Variants in LARS2 observed in about 807,000 individuals in gnomAD.
LARS2 encodes the protein leucine--tRNA ligase, mitochondrial.
A neutral mutation model predicts 116.6 loss-of-function variants in LARS2; 81 were observed. That is an observed-to-expected ratio of 0.69 (90% CI 0.58 to 0.84). The LOEUF is 0.84. Ranked by LOEUF, LARS2 falls within the 40% of genes least tolerant of loss-of-function variation. The pLI, the probability that LARS2 is intolerant of heterozygous loss-of-function variation, is 0.00. For missense variants in LARS2, 968 were observed against 1,114.5 expected, an observed-to-expected ratio of 0.87 and a Z score of 1.87; for synonymous variants, 396 against 407.2, an observed-to-expected ratio of 0.97 and a Z score of 0.33.
rs1700806169 is a variant in LARS2 at position 45,542,023 on chromosome 3, G to A, written c.2532+67G>A. 1.9e-6 allele frequency: 3 copies of A among 1,589,738 alleles called. 1 individual carries two copies. Among genetic ancestry groups the A allele is most frequent in the South Asian group, 2.3e-5 (2 of 88,210 alleles). ...CCTGCTGGTGGCCCCTAAATACTGT[G>A]GTGGTTTTGAGAGGTCTATTAGCAG... On this transcript the variant is annotated intron_variant, in intron 21 of 21. Transcript: ENST00000645846.
intron 7 of LARS2, among the ~76,000 whole-genome samples, chr3:45,457,573 G>A (rs1699233464): frequency 6.6e-6 from 1 of 152,160 alleles, no homozygotes; most frequent in South Asian, 2.1e-4. Context: ...AGCTACCCAG[G>A]AGGCTGAGGC....
intron 6 of LARS2, among the ~76,000 whole-genome samples, chr3:45,435,659 T>A (rs1236441406): frequency 1.3e-5 from 2 of 152,056 alleles, no homozygotes; most frequent in African/African-American, 2.4e-5. Flanking sequence ...CTCTTCTTTC[T>A]TTTTCTTTTC....
chr3:45,423,726 C>T (rs1434717079), intron 6 of LARS2, among the ~76,000 whole-genome samples: 3 of 152,002 alleles, frequency 2.0e-5, no homozygotes, highest in Admixed American at 6.6e-5. Flanking sequence ...AAAGGACAAC[C>T]GTTCATTTAA....
intron 21 of LARS2, among the ~76,000 whole-genome samples, chr3:45,542,925 T>G (rs959335328): frequency 1.2e-4 from 19 of 152,186 alleles, no homozygotes; most frequent in Admixed American, 6.5e-5. Flanking sequence ...GGCTGCAAAT[T>G]GTGAAAAGTG....
At chr3:45,469,306 C>T (rs1300291930) in intron 8 of LARS2, among the ~76,000 whole-genome samples, 1 of 152,164 alleles carries the variant, frequency 6.6e-6, no homozygotes, top group East Asian at 1.9e-4. Context: ...CATGTCTTCT[C>T]TAAAGTCAAA....
chr3:45,448,393 T>C (rs1699056343), intron 7 of LARS2, among the ~76,000 whole-genome samples: 1 of 152,164 alleles, frequency 6.6e-6, no homozygotes, highest in African/African-American at 2.4e-5. Flanking sequence ...CTTGGTTTTT[T>C]TCCAGGTGGA....
At chr3:45,480,471 T>G (rs1460268943) in intron 10 of LARS2, among the ~76,000 whole-genome samples, 1 of 152,258 alleles carries the variant, frequency 6.6e-6, no homozygotes, top group Non-Finnish European at 1.5e-5. Flanking sequence ...GACAGATACC[T>G]TTTTGTCTGG....
intron 15 of LARS2, among the ~76,000 whole-genome samples, chr3:45,511,083 A>G (rs1700282249): frequency 6.6e-6 from 1 of 152,210 alleles, no homozygotes; most frequent in Non-Finnish European, 1.5e-5. Context: ...GTTGTAGGCA[A>G]GGGCACTGGG....
chr3:45,495,595 G>A (rs989494230), intron 13 of LARS2: 1 of 152,172 alleles, frequency 6.6e-6, no homozygotes, highest in African/African-American at 2.4e-5. Flanking sequence ...GCATTGATTG[G>A]CTTCATAAGC....
At chr3:45,481,570 T>G (rs1020426409) in intron 10 of LARS2, among the ~76,000 whole-genome samples, 1 of 152,242 alleles carries the variant, frequency 6.6e-6, no homozygotes, top group Non-Finnish European at 1.5e-5. Flanking sequence ...GATACCTCAG[T>G]GTAGTTTTAA....
rs182374223 is a variant in LARS2 at position 45,489,620 on chromosome 3, G to A, written c.1239+808G>A. Among the ~76,000 whole-genome samples, 10 of 152,244 alleles carry A rather than the reference G, an allele frequency of 6.6e-5. No individual in the cohort carries two copies. The East Asian group carries it at 7.7e-4, about 12-fold the overall frequency. On this transcript the variant is annotated intron_variant, in intron 12 of 21. Coordinates refer to ENST00000645846, the MANE Select transcript of LARS2 (RefSeq NM_015340.4). The stretch of plus-strand genomic sequence containing the variant: ...CCTGGACCAGCAGTACTGGCATCAC[G>A]TGTCTTAGATCCCACCCTAGTCTAA...
chr3:45,492,976 G>A (rs1699949638), intron 13 of LARS2, among the ~76,000 whole-genome samples: 1 of 152,186 alleles, frequency 6.6e-6, no homozygotes, highest in Admixed American at 6.5e-5. Context: ...CCCTACCAGA[G>A]ATGTTGGTGG....
intron 20 of LARS2, among the ~76,000 whole-genome samples, chr3:45,539,750 A>G (rs1242834072): frequency 6.6e-6 from 1 of 152,146 alleles, no homozygotes; most frequent in African/African-American, 2.4e-5. Flanking sequence ...ATTTCCTTCC[A>G]ATCTGTTCAT....
intron 9 of LARS2, 95 bp downstream of exon 9, chr3:45,474,445 C>A: frequency 1.5e-6 from 1 of 660,170 alleles, no homozygotes; most frequent in Non-Finnish European, 2.6e-6. Flanking sequence ...GACTCCACAG[C>A]ACCACAGTCC....
intron 8 of LARS2, among the ~76,000 whole-genome samples, chr3:45,466,102 A>T (rs1699420485): frequency 6.6e-6 from 1 of 152,248 alleles, no homozygotes; most frequent in South Asian, 2.1e-4. Flanking sequence ...TGGTATATGG[A>T]CAATGAAATA....
chr3:45,469,936 G>A (rs1163996401), intron 8 of LARS2, among the ~76,000 whole-genome samples: 1 of 152,090 alleles, frequency 6.6e-6, no homozygotes, highest in African/African-American at 2.4e-5. Flanking sequence ...TATGCTAAGT[G>A]TCAAGCTTTT....
intron 8 of LARS2, among the ~76,000 whole-genome samples, chr3:45,467,106 T>TTG (rs1699437592): frequency 6.6e-6 from 1 of 152,130 alleles, no homozygotes; most frequent in African/African-American, 2.4e-5. Context: ...GTTTTCTGTT[T>TTG]TGTTCTTGGT....
intron 2 of LARS2, among the ~76,000 whole-genome samples, chr3:45,393,386 C>T (rs1697990260): frequency 1.3e-5 from 2 of 151,942 alleles, no homozygotes; most frequent in Non-Finnish European, 2.9e-5. Flanking sequence ...ACCAACCTGG[C>T]CAACATGGTG....
chr3:45,394,347 A>G (rs1315572729), intron 2 of LARS2, 86 bp from the exon 3 acceptor site: 1 of 703,600 alleles, frequency 1.4e-6, no homozygotes, highest in East Asian at 2.7e-5. Context: ...GCACAGGGCC[A>G]GAACACTGGA....
Sources: gnomAD v4.1 joint callset for allele counts (sites outside exome capture counted in the v4.1 genomes callset) on GRCh38, gnomAD v4.1.1 for gene constraint, MANE v1.5 for transcripts, NCBI Gene and HGNC (gene_info 2026-07-23, HGNC 2026-07-21) for gene names.